EIF3H: variants seen among roughly 807,000 people sequenced by gnomAD.
EIF3H encodes the protein eukaryotic translation initiation factor 3 subunit H.
In EIF3H, 26 loss-of-function variants were observed where a neutral mutation model predicts 44.2. The observed-to-expected ratio is 0.59, with a 90% CI of 0.43 to 0.82. EIF3H has a LOEUF of 0.82. Ranked by LOEUF, EIF3H falls within the 40% of genes least tolerant of loss-of-function variation. EIF3H has a pLI of 0.00. For missense variants in EIF3H, 359 were observed against 432.8 expected (o/e 0.83, Z 1.51); for synonymous variants, 166 against 151.9 (o/e 1.09, Z -0.68).
chr8:116,727,468 T>G (rs927623485), intron 1 of EIF3H, among the ~76,000 whole-genome samples: 1 of 152,222 alleles, frequency 6.6e-6, no homozygotes, highest in Non-Finnish European at 1.5e-5. Flanking sequence ...GAAGCCAAGT[T>G]TGACTGATAT....
chr8:116,653,806 TA>T (rs1484959961), intron 5 of EIF3H, among the ~76,000 whole-genome samples: 1 of 152,126 alleles, frequency 6.6e-6, no homozygotes, highest in Non-Finnish European at 1.5e-5. Context: ...AAAATTAAAA[TA>T]AAAAAATTTG....
At chr8:116,678,254 C>G (rs932671501) in intron 2 of EIF3H, among the ~76,000 whole-genome samples, 4 of 152,028 alleles carry the variant, frequency 2.6e-5, no homozygotes, top group African/African-American at 9.7e-5. Flanking sequence ...CTCGGCCTCC[C>G]GAGGTGCCGG....
upstream of EIF3H, among the ~76,000 whole-genome samples, chr8:116,759,789 G>A (rs538160306): frequency 1.3e-5 from 2 of 152,162 alleles, no homozygotes; most frequent in East Asian, 3.9e-4. Flanking sequence ...GAGTGTAATG[G>A]CACGATCTCA....
At chr8:116,708,642 A>G (rs1394881438) in intron 2 of EIF3H, among the ~76,000 whole-genome samples, 1 of 152,146 alleles carries the variant, frequency 6.6e-6, no homozygotes, top group Non-Finnish European at 1.5e-5. Context: ...GTAGTTAAAA[A>G]TCTTTCCGAA....
chr8:116,660,426 GAGA>G (rs922164386), intron 2 of EIF3H, among the ~76,000 whole-genome samples: 51 of 152,296 alleles, frequency 3.3e-4, no homozygotes, highest in Admixed American at 9.8e-4. Context: ...TTACTTGTAG[GAGA>G]AGAAGTTATA....
rs576692691 is a variant in EIF3H at position 116,718,419 on chromosome 8, T to C, written c.289+7597A>G. On this transcript the variant is annotated intron_variant, in intron 2 of 7. Transcript: ENST00000521861. The stretch of plus-strand genomic sequence containing the variant: ...TATACAACAAAGATACTTGTACATG[T>C]ATGTTTATAGCAGCACAATTTGCAA... 2.0e-5 allele frequency among the ~76,000 whole-genome samples: 3 copies of C among 152,280 alleles called. No homozygotes were observed. The East Asian group carries it at 5.8e-4, about 29-fold the overall frequency.
Position 116,645,108 on chromosome 8 carries a change from G to C in EIF3H, c.962-5C>G, listed in dbSNP as rs1813277287. 1 of 1,611,098 alleles carries C rather than the reference G, an allele frequency of 6.2e-7. No homozygotes were observed. The highest frequency in any genetic ancestry group is 1.3e-5 in the African/African-American group (1 of 74,822). On this transcript the variant is annotated splice_region_variant and splice_polypyrimidine_tract_variant and intron_variant, in intron 7 of 7. Transcript: ENST00000521861. ...GGCAGTAAGTGTTTATCTGGCCTGT[G>C]CATTTGAGAAAGAGATAGAGCCATA...
chr8:116,695,159 C>G (rs1266419137), intron 2 of EIF3H, among the ~76,000 whole-genome samples: 2 of 151,262 alleles, frequency 1.3e-5, no homozygotes, highest in African/African-American at 2.4e-5. Flanking sequence ...ACCTCCACCA[C>G]CATGTTCAAC....
At position 116,645,080 on chromosome 8, in the gene EIF3H, T is replaced by C; in HGVS notation, c.985A>G (p.Asn329Asp). ...TTTTGGGCAGTGAACTCCTTGATGT[T>C]CTGGCAGTAAGTGTTTATCTGGCCT... Reference protein sequence around the residue: ...IAGQINTYCQNIKEFTAQNLG... With the variant: ...IAGQINTYCQDIKEFTAQNLG... Residue 329 changes from asparagine (N) to aspartate (D), a missense_variant, in exon 8 of 8, where the codon AAC becomes GAC. Physicochemically the swap from Asn to Asp is conservative, Grantham distance 23 (BLOSUM62 1). Around this residue, in one of 5 missense-constraint regions of EIF3H, gnomAD observed 94 missense variants for 96.0 expected, o/e 0.98. Coordinates refer to ENST00000521861, the MANE Select transcript of EIF3H (RefSeq NM_003756.3). 6.2e-7 allele frequency: 1 copy of C among 1,614,124 alleles called. No individual in the cohort carries two copies. Among genetic ancestry groups the C allele is most frequent in the South Asian group, 1.1e-5 (1 of 91,080 alleles).
intron 2 of EIF3H, among the ~76,000 whole-genome samples, chr8:116,709,870 A>G (rs1306443395): frequency 1.3e-5 from 2 of 152,208 alleles, no homozygotes; most frequent in Non-Finnish European, 2.9e-5. Flanking sequence ...GATTACTGTC[A>G]CTGGATTTAC....
At chr8:116,717,583 G>A (rs1019970495) in intron 2 of EIF3H, among the ~76,000 whole-genome samples, 2 of 152,094 alleles carry the variant, frequency 1.3e-5, no homozygotes, top group African/African-American at 4.8e-5. Context: ...AGAGAACCCA[G>A]AAATAATGCC....
chr8:116,706,405 T>G (rs1291507227), intron 2 of EIF3H, among the ~76,000 whole-genome samples: 1 of 152,226 alleles, frequency 6.6e-6, no homozygotes, highest in Non-Finnish European at 1.5e-5. Context: ...TTCTTATCTT[T>G]CAAGTGTCAG....
At chr8:116,746,960 C>G (rs34807011) in intron 1 of EIF3H, among the ~76,000 whole-genome samples, 1 of 152,176 alleles carries the variant, frequency 6.6e-6, no homozygotes, top group African/African-American at 2.4e-5. Context: ...CTCAAGGCAC[C>G]TAAAGTTCAA....
At chr8:116,655,480 A>T (rs920311882) in intron 5 of EIF3H, among the ~76,000 whole-genome samples, 4 of 152,122 alleles carry the variant, frequency 2.6e-5, no homozygotes, top group African/African-American at 9.7e-5. Context: ...TTTCCTGAGC[A>T]TTATTAAATA....
chr8:116,697,167 T>C (rs1814283278), intron 2 of EIF3H: 1 of 456,110 alleles, frequency 2.2e-6, no homozygotes, highest in African/African-American at 2.0e-5. Context: ...CCCAAACCTG[T>C]GCCTCTTCTC....
chr8:116,663,855 C>T (rs1260080790), intron 2 of EIF3H, among the ~76,000 whole-genome samples: 3 of 148,604 alleles, frequency 2.0e-5, no homozygotes, highest in Non-Finnish European at 3.0e-5. Flanking sequence ...TGTTTGAGCC[C>T]GTGAGGCAGA....
intron 2 of EIF3H, among the ~76,000 whole-genome samples, chr8:116,686,667 G>C (rs1814082710): frequency 6.6e-6 from 1 of 151,730 alleles, no homozygotes; most frequent in African/African-American, 2.4e-5. Flanking sequence ...CTGATCAACA[G>C]GTTGTAGGGT....
chr8:116,651,115 A>G (rs1158103830), intron 5 of EIF3H, among the ~76,000 whole-genome samples: 5 of 152,220 alleles, frequency 3.3e-5, no homozygotes, highest in Non-Finnish European at 7.3e-5. Flanking sequence ...AAAATGACTA[A>G]AGTGTACATC....
intron 2 of EIF3H, among the ~76,000 whole-genome samples, chr8:116,684,046 TACA>T (rs1814034407): frequency 6.6e-6 from 1 of 152,216 alleles, no homozygotes; most frequent in South Asian, 2.1e-4. Flanking sequence ...CCTGCAGTAG[TACA>T]ACTTTAAAAT....
Sources: allele counts gnomAD v4.1 joint callset (sites outside exome capture counted in the v4.1 genomes callset), GRCh38; gene constraint gnomAD v4.1.1; regional missense constraint gnomAD v4.1.1; transcripts MANE v1.5; gene names NCBI Gene and HGNC (gene_info 2026-07-23, HGNC 2026-07-21).